Variants in SEPTIN9 observed in about 807,000 individuals in gnomAD.
SEPTIN9 encodes the protein septin-9.
Under a neutral mutation model 56.6 loss-of-function variants are expected in SEPTIN9, and 13 were observed. That is an observed-to-expected ratio of 0.23 (90% CI 0.15 to 0.37). The LOEUF is 0.37. Ranked by LOEUF, SEPTIN9 falls within the 10% of genes least tolerant of loss-of-function variation. The probability of loss-of-function intolerance (pLI) is 1.00; values close to 1 mark genes in which losing one functional copy is unlikely to be tolerated. For synonymous variants in SEPTIN9, 332 were observed against 334.1 expected (o/e 0.99, Z 0.07); for missense variants, 650 against 823.1 (o/e 0.79, Z 2.57).
chr17:77,381,955 G>A (rs1440378590), intron 2 of SEPTIN9, among the ~76,000 whole-genome samples: 4 of 152,220 alleles, frequency 2.6e-5, no homozygotes, highest in Admixed American at 6.5e-5. Flanking sequence ...ACCAGAGACC[G>A]GGGTAGGAGT....
chr17:77,392,698 C>T (rs1263627731), intron 2 of SEPTIN9, among the ~76,000 whole-genome samples: 1 of 152,158 alleles, frequency 6.6e-6, no homozygotes, highest in East Asian at 1.9e-4. Flanking sequence ...TGGTTCTTCC[C>T]TCCCAGACCT....
At chr17:77,290,350 C>T (rs545218962) in intron 1 of SEPTIN9, among the ~76,000 whole-genome samples, 3 of 151,714 alleles carry the variant, frequency 2.0e-5, no homozygotes, top group African/African-American at 4.8e-5. Flanking sequence ...CTCCGCCTCC[C>T]GGGTTCACAC....
At chr17:77,382,666 G>C (rs1020245981) in intron 2 of SEPTIN9, among the ~76,000 whole-genome samples, 1 of 152,206 alleles carries the variant, frequency 6.6e-6, no homozygotes, top group Non-Finnish European at 1.5e-5. Flanking sequence ...TTAAACCCTG[G>C]GCCTCCACCA....
chr17:77,382,036 T>C (rs1459763336), intron 2 of SEPTIN9, among the ~76,000 whole-genome samples: 1 of 151,596 alleles, frequency 6.6e-6, no homozygotes, highest in Admixed American at 6.6e-5. Context: ...TCTTTCTTTC[T>C]TTTTTTTTGA....
At chr17:77,360,860 G>T (rs1300685338) in intron 2 of SEPTIN9, among the ~76,000 whole-genome samples, 1 of 151,552 alleles carries the variant, frequency 6.6e-6, no homozygotes, top group Admixed American at 6.6e-5. Context: ...CCGGCCTAGG[G>T]TAGGTTGTTA....
At chr17:77,290,792 G>A (rs113394838) in intron 1 of SEPTIN9, among the ~76,000 whole-genome samples, 9,058 of 149,744 alleles carry the variant, frequency 0.06, 421 homozygotes, top group African/African-American at 0.12. Context: ...TCCAGCCTGG[G>A]CGACAGAGTG....
rs1284067809 is a variant in SEPTIN9 at position 77,437,695 on chromosome 17, T to G, written c.721+34992T>G. On this transcript the variant is annotated intron_variant, in intron 3 of 11. Transcript: ENST00000427177. The surrounding 1 kb of genome is among the most constrained non-coding windows in gnomAD (Gnocchi z 5.3). ...CTTCTGGGGTGGCCAAACTCCATGCTGCAAAAGCCCAAGTGAACCCCAGTA... is the reference window on the plus strand; with the variant it reads ...CTTCTGGGGTGGCCAAACTCCATGCGGCAAAAGCCCAAGTGAACCCCAGTA... 1.3e-5 allele frequency among the ~76,000 whole-genome samples: 2 copies of G among 152,122 alleles called. No homozygotes were observed. The highest frequency in any genetic ancestry group is 4.8e-5 in the African/African-American group (2 of 41,414).
chr17:77,375,607 G>A (rs1392455956), intron 2 of SEPTIN9: 1 of 152,270 alleles, frequency 6.6e-6, no homozygotes. Flanking sequence ...TTTAGTCCAA[G>A]ACAATGGGCT....
At chr17:77,401,750 C>G (rs1290026637) in intron 2 of SEPTIN9, among the ~76,000 whole-genome samples, 1 of 151,986 alleles carries the variant, frequency 6.6e-6, no homozygotes, top group Non-Finnish European at 1.5e-5. Flanking sequence ...TAAAAGTCTT[C>G]TCTGGAACTA....
chr17:77,472,311 A>G (rs933275008), intron 3 of SEPTIN9, among the ~76,000 whole-genome samples: 4 of 152,140 alleles, frequency 2.6e-5, no homozygotes, highest in Non-Finnish European at 5.9e-5. Context: ...TCCTTCCTCC[A>G]CAATAGAGGA....
At chr17:77,497,506 G>T (rs2040321429) in intron 11 of SEPTIN9, 140 bp downstream of exon 11, 1 of 736,706 alleles carries the variant, frequency 1.4e-6, no homozygotes, top group Non-Finnish European at 2.4e-6. Flanking sequence ...CCCTCGGGAA[G>T]ATCTTGGAAG....
In SEPTIN9 at chr17:77,476,576, A is replaced by T. The variant is rs976286074; in HGVS notation, c.722-5568A>T. Among the ~76,000 whole-genome samples the T allele has an allele frequency of 2.0e-5, 3 of 152,098 alleles. No individual in the cohort carries two copies. Among genetic ancestry groups the T allele is most frequent in the Non-Finnish European group, 4.4e-5 (3 of 68,006 alleles). On this transcript the variant is annotated intron_variant, in intron 3 of 11. Transcript: ENST00000427177. The surrounding 1 kb of genome is among the most constrained non-coding windows in gnomAD (Gnocchi z 6.0). ...GATGGCCCAGTGGACGCCTGCGGGG[A>T]GGAGGGAGCTGGTCCCCAGGATGAG...
intron 10 of SEPTIN9, among the ~76,000 whole-genome samples, chr17:77,496,730 T>C (rs1598480325): frequency 6.6e-6 from 1 of 152,368 alleles, no homozygotes; most frequent in East Asian, 1.9e-4. Flanking sequence ...TTAGCATTGC[T>C]GATTCTTGAG....
In SEPTIN9 at chr17:77,319,524, C is replaced by A; in HGVS notation, c.76+12327C>A. The stretch of plus-strand genomic sequence containing the variant: ...GGGCGGGGACGGCAACTGCCTCTGT[C>A]ACTGCAGACTAATGGGACGGAGGGG... On this transcript the variant is annotated intron_variant, in intron 2 of 11. Transcript: ENST00000427177. The surrounding 1 kb of genome is among the most constrained non-coding windows in gnomAD (Gnocchi z 5.3). The A allele has an allele frequency of 9.6e-7, 1 of 1,045,982 alleles. No individual in the cohort carries two copies. Among genetic ancestry groups the A allele is most frequent in the Non-Finnish European group, 1.2e-6 (1 of 867,084 alleles). The allele number at this position is 1,045,982 out of a possible 1,614,324, so 64.8% of individuals were successfully genotyped here. A position where few individuals can be genotyped will look rare whatever the true frequency, so the allele number is the denominator to read the frequency against.
intron 3 of SEPTIN9, among the ~76,000 whole-genome samples, chr17:77,477,900 A>G (rs887576627): frequency 2.6e-5 from 4 of 152,176 alleles, no homozygotes; most frequent in African/African-American, 4.8e-5. Context: ...AAGAATGGAA[A>G]GCAGGGACCC....
chr17:77,475,243 A>ATC lies in SEPTIN9; in HGVS notation c.722-6901_722-6900insTC. ...GAGGAAACCGCACACATCATTATTC[A>ATC]GTTACCATCGTGGGGAGACTGTCTG... On this transcript the variant is annotated intron_variant, in intron 3 of 11. Coordinates refer to ENST00000427177, the MANE Select transcript of SEPTIN9 (RefSeq NM_001113491.2). The surrounding 1 kb of genome is among the most constrained non-coding windows in gnomAD (Gnocchi z 4.6). 7.4e-7 allele frequency: 1 copy of ATC among 1,347,030 alleles called. No homozygotes were observed. The allele number at this position is 1,347,030 out of a possible 1,614,324, so 83.4% of individuals were successfully genotyped here.
rs117074377 is a variant in SEPTIN9 at position 77,420,327 on chromosome 17, T to A, written c.721+17624T>A. On this transcript the variant is annotated intron_variant, in intron 3 of 11. Transcript: ENST00000427177. ...TCAGTCCAGCAGGAAGTTTGCCTCC[T>A]CGGAACACTTGCGTGCTTCTGCATG... 2.5e-3 allele frequency among the ~76,000 whole-genome samples: 374 copies of A among 152,354 alleles called. 5 individuals are homozygous for A. The highest frequency in any genetic ancestry group is 0.021 in the Admixed American group (314 of 15,308).
In SEPTIN9 at chr17:77,326,921, G is replaced by A. The variant is rs549172652; in HGVS notation, c.76+19724G>A. Among the ~76,000 whole-genome samples the A allele has an allele frequency of 6.6e-6, 1 of 152,234 alleles. No homozygotes were observed. Among genetic ancestry groups the A allele is most frequent in the Admixed American group, 6.5e-5 (1 of 15,302 alleles). On this transcript the variant is annotated intron_variant, in intron 2 of 11. Coordinates refer to ENST00000427177, the MANE Select transcript of SEPTIN9 (RefSeq NM_001113491.2). The surrounding 1 kb of genome is among the most constrained non-coding windows in gnomAD (Gnocchi z 5.1). Reference sequence around the variant, plus strand: ...CGGGAGCTTCTGGATGGATGAGCATGTGGAGGCTCCTGGAGGGTGGAGCGC... The same window carrying A: ...CGGGAGCTTCTGGATGGATGAGCATATGGAGGCTCCTGGAGGGTGGAGCGC...
chr17:77,429,113 G>A lies in SEPTIN9; in HGVS notation c.721+26410G>A. 1 of 471,696 alleles carries A rather than the reference G, an allele frequency of 2.1e-6. No homozygotes were observed. The highest frequency in any genetic ancestry group is 4.4e-6 in the Non-Finnish European group (1 of 227,190). 29.2% of individuals were successfully genotyped at this position (471,696 alleles called of 1,614,324 possible). ...GCCCCAGCTCCGTGTCCTCCGGTGT[G>A]TGTGAGGCCAAGCTCCTGGGGTGGG... On this transcript the variant is annotated intron_variant, in intron 3 of 11. Coordinates refer to ENST00000427177, the MANE Select transcript of SEPTIN9 (RefSeq NM_001113491.2). This position sits in a 1 kb window ranked among gnomAD's most constrained non-coding sequence, Gnocchi z 5.2.
Sources: allele counts gnomAD v4.1 joint callset (sites outside exome capture counted in the v4.1 genomes callset), GRCh38; gene constraint gnomAD v4.1.1; non-coding constraint Gnocchi (gnomAD v3.1); transcripts MANE v1.5; gene names NCBI Gene and HGNC (gene_info 2026-07-23, HGNC 2026-07-21).